MARCHF1: variants seen among roughly 807,000 people sequenced by gnomAD.
The protein encoded by MARCHF1 is E3 ubiquitin-protein ligase MARCHF1.
A neutral mutation model predicts 54.2 loss-of-function variants in MARCHF1; 40 were observed. That is an observed-to-expected ratio of 0.74 (90% CI 0.57 to 0.96). The LOEUF is 0.96. Among genes scored for constraint, MARCHF1 ranks in the 40% least tolerant of loss-of-function variants. MARCHF1 has a pLI of 0.00. For missense variants in MARCHF1, 586 were observed against 656.5 expected, an observed-to-expected ratio of 0.89 and a Z score of 1.17; for synonymous variants, 236 against 236.3, an observed-to-expected ratio of 1.00 and a Z score of 0.01.
chr4:163,570,848 G>A (rs955217463), intron 8 of MARCHF1, among the ~76,000 whole-genome samples: 4 of 152,190 alleles, frequency 2.6e-5, no homozygotes, highest in African/African-American at 7.2e-5. Flanking sequence ...GAATGCCACA[G>A]ACCTCACCAC....
At chr4:163,630,534 C>G (rs1427387827) in intron 5 of MARCHF1, among the ~76,000 whole-genome samples, 3 of 152,116 alleles carry the variant, frequency 2.0e-5, no homozygotes, top group African/African-American at 7.2e-5. Flanking sequence ...TTGGCTTGAA[C>G]AATTTAAAGG....
At chr4:163,781,117 G>GGGGT (rs796844470) in intron 4 of MARCHF1, among the ~76,000 whole-genome samples, 15 of 148,294 alleles carry the variant, frequency 1.0e-4, no homozygotes, top group African/African-American at 3.8e-4. Flanking sequence ...GCCAAGGGGC[G>GGGGT]GGGGGGGTGG....
intron 1 of MARCHF1, among the ~76,000 whole-genome samples, chr4:164,304,615 T>C (rs1734651926): frequency 6.6e-6 from 1 of 152,214 alleles, no homozygotes; most frequent in African/African-American, 2.4e-5. Context: ...AGAAATACCT[T>C]ATTTTGAAAT....
chr4:163,989,569 C>T (rs1056364489), intron 2 of MARCHF1, among the ~76,000 whole-genome samples: 3 of 152,122 alleles, frequency 2.0e-5, no homozygotes, highest in Non-Finnish European at 2.9e-5. Context: ...TATTACTGTC[C>T]TCTCAAAAGT....
chr4:163,990,315 C>T (rs1294602643), intron 2 of MARCHF1, among the ~76,000 whole-genome samples: 2 of 151,924 alleles, frequency 1.3e-5, no homozygotes, highest in African/African-American at 4.8e-5. Flanking sequence ...TTCAGGAGGG[C>T]TGCAGTGGAG....
intron 7 of MARCHF1, among the ~76,000 whole-genome samples, chr4:163,604,334 G>T (rs1233509105): frequency 6.6e-6 from 1 of 152,088 alleles, no homozygotes; most frequent in African/African-American, 2.4e-5. Context: ...TTTGCTCTTG[G>T]TAGGGTAGTA....
At chr4:164,086,657 T>C (rs1398572018) in intron 2 of MARCHF1, among the ~76,000 whole-genome samples, 2 of 152,068 alleles carry the variant, frequency 1.3e-5, no homozygotes, top group Non-Finnish European at 2.9e-5. Context: ...ATTCATACTC[T>C]GTGTTTTTAA....
chr4:163,857,559 T>C (rs965753048), intron 3 of MARCHF1, among the ~76,000 whole-genome samples: 1 of 152,200 alleles, frequency 6.6e-6, no homozygotes, highest in African/African-American at 2.4e-5. Flanking sequence ...TAATATGAGA[T>C]ACAGCAATGA....
In MARCHF1 at chr4:163,933,046, T is replaced by C. The variant is rs1751714597; in HGVS notation, c.-39+55455A>G. 7.4e-6 allele frequency: 11 copies of C among 1,479,528 alleles called. No homozygotes were observed. In the Admixed American group the frequency reaches 2.2e-4, roughly 29 times the overall value. 91.7% of individuals were successfully genotyped at this position (1,479,528 alleles called of 1,614,324 possible). ...GGGCTTGCGGTTAACTTTTCTGTAT[T>C]TTACTATGAGATTCTTAATAACCCA... On this transcript the variant is annotated intron_variant, in intron 3 of 9. Coordinates refer to ENST00000514618, the MANE Select transcript of MARCHF1 (RefSeq NM_001394959.1).
chr4:163,877,985 T>C (rs1336569687), intron 3 of MARCHF1, among the ~76,000 whole-genome samples: 2 of 152,150 alleles, frequency 1.3e-5, no homozygotes, highest in Non-Finnish European at 2.9e-5. Context: ...AAACACACGC[T>C]TTCAAACATG....
intron 8 of MARCHF1, chr4:163,583,554 T>G (rs1300574826): frequency 1.3e-5 from 2 of 152,010 alleles, no homozygotes; most frequent in African/African-American, 4.8e-5. Flanking sequence ...AAGATATTTT[T>G]AGAAGAAACT....
At chr4:163,978,998 G>A (rs1028190926) in intron 3 of MARCHF1, among the ~76,000 whole-genome samples, 12 of 147,216 alleles carry the variant, frequency 8.2e-5, no homozygotes, top group Admixed American at 1.4e-4. Context: ...CAAAAATGCT[G>A]GGATTTGGGG....
chr4:164,096,359 A>T (rs1209985585), intron 2 of MARCHF1, among the ~76,000 whole-genome samples: 1 of 152,120 alleles, frequency 6.6e-6, no homozygotes, highest in Non-Finnish European at 1.5e-5. Flanking sequence ...AATGGAAGCT[A>T]AATCTTGGGT....
intron 5 of MARCHF1, chr4:163,613,675 T>C: frequency 7.7e-7 from 1 of 1,295,796 alleles, no homozygotes; most frequent in Non-Finnish European, 1.0e-6. Flanking sequence ...CTGTAATCAT[T>C]TGAGTGGAAT....
chr4:164,242,491 CA>C (rs1357829821), intron 1 of MARCHF1, among the ~76,000 whole-genome samples: 22 of 147,990 alleles, frequency 1.5e-4, no homozygotes, highest in African/African-American at 5.0e-4. Flanking sequence ...TCACCATCAT[CA>C]AAGACCAAAA....
chr4:164,352,677 T>C (rs1329846573), intron 1 of MARCHF1, among the ~76,000 whole-genome samples: 3 of 150,174 alleles, frequency 2.0e-5, no homozygotes, highest in African/African-American at 7.3e-5. Flanking sequence ...GTAAAGACCA[T>C]CGAGGCTAGG....
intron 9 of MARCHF1, among the ~76,000 whole-genome samples, chr4:163,540,716 T>C (rs1444298197): frequency 6.6e-6 from 1 of 152,186 alleles, no homozygotes; most frequent in African/African-American, 2.4e-5. Flanking sequence ...TCAGAGTGAT[T>C]AATCATTGTA....
intron 1 of MARCHF1, among the ~76,000 whole-genome samples, chr4:164,245,615 G>A (rs1351071388): frequency 5.9e-5 from 9 of 151,954 alleles, no homozygotes; most frequent in Non-Finnish European, 1.3e-4. Context: ...TCAGGCAGGA[G>A]AAGGAAATAA....
At chr4:163,793,126 A>C (rs1263707058) in intron 4 of MARCHF1, among the ~76,000 whole-genome samples, 1 of 152,222 alleles carries the variant, frequency 6.6e-6, no homozygotes, top group Non-Finnish European at 1.5e-5. Context: ...TTTAAGTTAA[A>C]ATGGAATAAA....
Sources: gnomAD v4.1 joint callset for allele counts (sites outside exome capture counted in the v4.1 genomes callset) on GRCh38, gnomAD v4.1.1 for gene constraint, MANE v1.5 for transcripts, NCBI Gene and HGNC (gene_info 2026-07-23, HGNC 2026-07-21) for gene names.